DPP6: variants seen among roughly 807,000 people sequenced by gnomAD.
The protein encoded by DPP6 is dipeptidyl peptidase like 6, also known as A-type potassium channel modulatory protein DPP6.
A neutral mutation model predicts 122.6 loss-of-function variants in DPP6; 69 were observed. The observed-to-expected ratio is 0.56, with a 90% CI of 0.46 to 0.69. The LOEUF (loss-of-function observed/expected upper bound fraction) is 0.69. Ranked by LOEUF, DPP6 falls within the 30% of genes least tolerant of loss-of-function variation. The pLI is 0.00. For synonymous variants in DPP6, 418 were observed against 433.1 expected (o/e 0.97, Z 0.43); for missense variants, 928 against 1,116.9 (o/e 0.83, Z 2.41).
At chr7:154,234,188 G>C (rs549220641) in intron 1 of DPP6, among the ~76,000 whole-genome samples, 1 of 152,262 alleles carries the variant, frequency 6.6e-6, no homozygotes, top group South Asian at 2.1e-4. Context: ...GAAACAGCAG[G>C]AAAAAGGTGA....
intron 4 of DPP6, among the ~76,000 whole-genome samples, chr7:154,546,909 T>C (rs189548535): frequency 1.1e-3 from 161 of 152,356 alleles, no homozygotes; most frequent in Middle Eastern, 3.4e-3. Context: ...TAATTCTCAC[T>C]TTATTCTATG....
chr7:154,234,408 C>A (rs557699274), intron 1 of DPP6, among the ~76,000 whole-genome samples: 4 of 152,308 alleles, frequency 2.6e-5, no homozygotes, highest in Admixed American at 2.6e-4. Context: ...TAACATCTCT[C>A]TCTATGGTTA....
intron 1 of DPP6, among the ~76,000 whole-genome samples, chr7:154,314,562 A>G (rs540510365): frequency 6.6e-6 from 1 of 152,216 alleles, no homozygotes; most frequent in Non-Finnish European, 1.5e-5. Flanking sequence ...AAGGTGGTGA[A>G]CGTGCTGGCT....
At position 154,693,492 on chromosome 7, in the gene DPP6, C is replaced by A. The variant is rs533576717; in HGVS notation, c.762+24051C>A. On this transcript the variant is annotated intron_variant, in intron 7 of 25. Coordinates refer to ENST00000377770, the MANE Select transcript of DPP6 (RefSeq NM_130797.4). ...CAAGCTCACAGCAGAAGGTTGGCTG[C>A]ATTTTAAACTATTTCCTCAGATGCT... Among the ~76,000 whole-genome samples, 274 of 152,258 alleles carry A rather than the reference C, an allele frequency of 1.8e-3. 2 individuals carry two copies. The highest frequency in any genetic ancestry group is 6.4e-3 in the African/African-American group (267 of 41,554).
chr7:154,824,569 G>A (rs1422450501), intron 16 of DPP6, among the ~76,000 whole-genome samples: 3 of 152,330 alleles, frequency 2.0e-5, no homozygotes, highest in South Asian at 2.1e-4. Flanking sequence ...GGGAGCCACC[G>A]TGCCCATCCA....
chr7:153,873,683 C>A, the DPP6 span, among the ~76,000 whole-genome samples: 2 of 152,152 alleles, frequency 1.3e-5, no homozygotes, highest in Non-Finnish European at 2.9e-5. Context: ...AAAGCAGGGA[C>A]CAGTGATGGG....
Position 154,052,659 on chromosome 7 carries a change from A to C in DPP6, c.-162A>C. The C allele has an allele frequency of 2.4e-6, 3 of 1,256,244 alleles. No homozygotes were observed. The highest frequency in any genetic ancestry group is 3.0e-6 in the Non-Finnish European group (3 of 990,544). The allele number at this position is 1,256,244 out of a possible 1,614,324, so 77.8% of individuals were successfully genotyped here. On this transcript the variant is annotated 5_prime_UTR_variant, in exon 1 of 26. Transcript: ENST00000377770. The surrounding 1 kb of genome is among the most constrained non-coding windows in gnomAD (Gnocchi z 4.8). ...CGGAGACTCGCGAGTGGCGCGCGGGAGGAGCGGCCGCCGGCGCTGGGCTTG... is the reference window on the plus strand; with the variant it reads ...CGGAGACTCGCGAGTGGCGCGCGGGCGGAGCGGCCGCCGGCGCTGGGCTTG...
chr7:153,940,367 GAAGTC>G (rs547842770), intron 1 of DPP6, among the ~76,000 whole-genome samples: 2 of 151,954 alleles, frequency 1.3e-5, no homozygotes, highest in Non-Finnish European at 3.0e-5. Context: ...CTTAAGTGTT[GAAGTC>G]AAGTGTTGAA....
intron 1 of DPP6, among the ~76,000 whole-genome samples, chr7:154,362,189 T>C (rs962933412): frequency 3.9e-5 from 6 of 152,232 alleles, no homozygotes; most frequent in African/African-American, 1.2e-4. Flanking sequence ...TAGCTGGTCC[T>C]AGGGAGATGA....
Position 153,969,370 on chromosome 7 carries a change from G to A in DPP6, c.51+81636G>A, listed in dbSNP as rs987503533. On this transcript the variant is annotated intron_variant, in intron 1 of 25. Coordinates refer to the DPP6 transcript ENST00000404039. ...GAGGGTGATTTTGACAGTTTTGTTC[G>A]AGCTGCTTTAACAGAAGAGCGGCTT... is the stretch of plus-strand genomic sequence containing the variant. Among the ~76,000 whole-genome samples, 173 of 145,242 alleles carry A rather than the reference G, an allele frequency of 1.2e-3. 2 individuals are homozygous for A. The highest frequency in any genetic ancestry group is 2.3e-3 in the Non-Finnish European group (155 of 67,392).
chr7:153,819,131 T>C, the DPP6 span, among the ~76,000 whole-genome samples: 2 of 131,900 alleles, frequency 1.5e-5, no homozygotes, highest in Admixed American at 7.7e-5. Context: ...AGGTTTGTTA[T>C]ATAGGTAAAG....
chr7:154,399,224 C>A (rs532062738), intron 1 of DPP6, among the ~76,000 whole-genome samples: 1 of 152,284 alleles, frequency 6.6e-6, no homozygotes, highest in African/African-American at 2.4e-5. Context: ...GTTCCCCTCT[C>A]CAAAGGAAAG....
chr7:153,886,867 G>A (rs1405694941), upstream of DPP6, among the ~76,000 whole-genome samples: 2 of 152,150 alleles, frequency 1.3e-5, no homozygotes, highest in Non-Finnish European at 2.9e-5. Flanking sequence ...TCTCTCGCGG[G>A]CGCAGCCGAT....
chr7:154,796,031 C>A, intron 12 of DPP6, 148 bp downstream of exon 12: 1 of 1,232,542 alleles, frequency 8.1e-7, no homozygotes, highest in South Asian at 1.8e-5. Flanking sequence ...GCCGGCTCCA[C>A]TCACGGTGCC....
intron 1 of DPP6, among the ~76,000 whole-genome samples, chr7:154,373,399 C>T (rs1051194233): frequency 7.2e-5 from 11 of 152,150 alleles, no homozygotes; most frequent in Non-Finnish European, 2.9e-5. Context: ...GTGTTTGCTT[C>T]GTGAGGCGGT....
the DPP6 span, among the ~76,000 whole-genome samples, chr7:153,808,407 CTGTA>C: frequency 0.027 from 4,038 of 150,600 alleles, 218 homozygotes; most frequent in African/African-American, 0.093. Context: ...GTGTGTGTGC[CTGTA>C]TGTGTGTCTG....
intron 1 of DPP6, among the ~76,000 whole-genome samples, chr7:154,283,731 G>A (rs1234591830): frequency 6.6e-6 from 1 of 152,186 alleles, no homozygotes; most frequent in Non-Finnish European, 1.5e-5. Flanking sequence ...GGGCAAGTAA[G>A]ACTCAGACTT....
intron 1 of DPP6, among the ~76,000 whole-genome samples, chr7:153,998,640 G>A (rs1347538274): frequency 3.3e-5 from 5 of 152,188 alleles, no homozygotes; most frequent in African/African-American, 9.6e-5. Flanking sequence ...AATGAGATGG[G>A]AAGTGATTAC....
the DPP6 span, among the ~76,000 whole-genome samples, chr7:153,766,792 CAAT>C: frequency 6.6e-6 from 1 of 152,044 alleles, no homozygotes; most frequent in Non-Finnish European, 1.5e-5. Context: ...ATTATAAAAA[CAAT>C]AAAAGTTTTT....
Sources: gnomAD v4.1 joint callset for allele counts (sites outside exome capture counted in the v4.1 genomes callset) on GRCh38, gnomAD v4.1.1 for gene constraint, Gnocchi (gnomAD v3.1) non-coding constraint, MANE v1.5 for transcripts, NCBI Gene and HGNC (gene_info 2026-07-23, HGNC 2026-07-21) for gene names.